The following C8orf34 variants were observed in gnomAD, a reference collection of about 807,000 sequenced individuals.
C8orf34 encodes chromosome 8 open reading frame 34.
Under a neutral mutation model 68.3 loss-of-function variants are expected in C8orf34, and 65 were observed. That is an observed-to-expected ratio of 0.95 (90% confidence interval 0.78 to 1.17). The LOEUF (loss-of-function observed/expected upper bound fraction) is 1.17, where lower values mean the gene tolerates loss of function less well. C8orf34 is among the 50% of genes most tolerant of loss of function. The pLI, the probability that C8orf34 is intolerant of heterozygous loss-of-function variation, is 0.00. For synonymous variants in C8orf34, 244 were observed against 241.2 expected (o/e 1.01, Z -0.11); for missense variants, 664 against 655.4 (o/e 1.01, Z -0.14).
At chr8:68,474,882 A>C (rs80131328) in intron 4 of C8orf34, among the ~76,000 whole-genome samples, 1 of 152,162 alleles carries the variant, frequency 6.6e-6, no homozygotes, top group Non-Finnish European at 1.5e-5. Flanking sequence ...TGCCCAGGAG[A>C]AGCAAGGAAC....
chr8:68,816,138 C>CTGTGTG lies in C8orf34; in HGVS notation c.1609+210_1609+215dup, dbSNP rs138646973. Among the ~76,000 whole-genome samples, 1,452 of 146,732 alleles carry CTGTGTG rather than the reference C, an allele frequency of 9.9e-3. 21 individuals carry two copies. Among genetic ancestry groups the CTGTGTG allele is most frequent in the African/African-American group, 0.032 (1,259 of 39,694 alleles). ...TGTGTGTGTGTGTGTGTGTGTTTCTCTGTGTGTGTGTGTGTGTGTGTGCAT... is the reference window on the plus strand; with the variant it reads ...TGTGTGTGTGTGTGTGTGTGTTTCTCTGTGTGTGTGTGTGTGTGTGTGTGTGTGCAT... On this transcript the variant is annotated intron_variant, in intron 13 of 13. Transcript: ENST00000518698.
At chr8:68,525,609 A>C in intron 6 of C8orf34, 3 of 832,292 alleles carry the variant, frequency 3.6e-6, no homozygotes, top group Non-Finnish European at 6.1e-6. Flanking sequence ...AGTACAATGA[A>C]ACCGAACTGG....
chr8:68,721,498 G>A, intron 10 of C8orf34, 61 bp downstream of exon 10: 1 of 1,081,432 alleles, frequency 9.2e-7, no homozygotes, highest in South Asian at 1.4e-5. Context: ...TTACTAGTAG[G>A]TAAATCTAAA....
intron 1 of C8orf34, among the ~76,000 whole-genome samples, chr8:68,377,060 C>A (rs147573903): frequency 2.0e-5 from 3 of 152,126 alleles, no homozygotes; most frequent in Non-Finnish European, 2.9e-5. Flanking sequence ...AGAGGAGGAA[C>A]CTTCATGGAG....
intron 11 of C8orf34, among the ~76,000 whole-genome samples, chr8:68,784,459 C>A (rs1823784155): frequency 6.6e-6 from 1 of 152,124 alleles, no homozygotes; most frequent in African/African-American, 2.4e-5. Flanking sequence ...TACTTTTATC[C>A]TTTCCCTATC....
intron 1 of C8orf34, among the ~76,000 whole-genome samples, chr8:68,375,683 T>A (rs959546769): frequency 2.6e-5 from 4 of 152,216 alleles, no homozygotes; most frequent in African/African-American, 9.6e-5. Context: ...TATTACCTTG[T>A]TTAGAAAAAC....
At chr8:68,452,701 A>G (rs748723888) in intron 3 of C8orf34, among the ~76,000 whole-genome samples, 32 of 146,452 alleles carry the variant, frequency 2.2e-4, no homozygotes, top group Middle Eastern at 7.0e-3. Context: ...TATTTTTTCC[A>G]CTTGGGGGGA....
chr8:68,800,232 T>G (rs1028756122), intron 12 of C8orf34, among the ~76,000 whole-genome samples: 1 of 152,202 alleles, frequency 6.6e-6, no homozygotes, highest in Non-Finnish European at 1.5e-5. Context: ...GGCCCAGGTG[T>G]CTGGCTCTTT....
At chr8:68,370,545 C>T (rs760539655) in intron 1 of C8orf34, among the ~76,000 whole-genome samples, 2 of 152,166 alleles carry the variant, frequency 1.3e-5, no homozygotes, top group Non-Finnish European at 2.9e-5. Flanking sequence ...GGGAAATGTG[C>T]TCTGGGCCTT....
At chr8:68,516,208 G>T (rs1325977015) in intron 5 of C8orf34, among the ~76,000 whole-genome samples, 1 of 152,196 alleles carries the variant, frequency 6.6e-6, no homozygotes, top group East Asian at 1.9e-4. Context: ...TCATTTACAT[G>T]ATTTTGGTTA....
intron 1 of C8orf34, among the ~76,000 whole-genome samples, chr8:68,424,754 G>C (rs1366318217): frequency 6.6e-6 from 1 of 152,094 alleles, no homozygotes; most frequent in South Asian, 2.1e-4. Flanking sequence ...CAAAAAATTA[G>C]CTGGGCGTGG....
rs191884941 is a variant in C8orf34, at chr8:68,548,213, T to G, written c.1105+15064T>G. Among the ~76,000 whole-genome samples the G allele has an allele frequency of 1.8e-4, 28 of 151,878 alleles. No homozygotes were observed. In the East Asian group the frequency reaches 5.0e-3, roughly 27 times the overall value. On this transcript the variant is annotated intron_variant, in intron 7 of 13. Coordinates refer to ENST00000518698, the MANE Select transcript of C8orf34 (RefSeq NM_052958.4). ...TAAACTTCATTAAATGACAGATTGCTTCTCAAAAAATAAAAAGAAAAATTG... is the reference window on the plus strand; with the variant it reads ...TAAACTTCATTAAATGACAGATTGCGTCTCAAAAAATAAAAAGAAAAATTG...
intron 1 of C8orf34, among the ~76,000 whole-genome samples, chr8:68,412,624 T>C (rs1586081875): frequency 6.6e-6 from 1 of 152,310 alleles, no homozygotes; most frequent in South Asian, 2.1e-4. Context: ...TACAGGTAGA[T>C]GACCTTTCCA....
chr8:68,702,306 C>G (rs1230982367), intron 8 of C8orf34, among the ~76,000 whole-genome samples: 1 of 152,042 alleles, frequency 6.6e-6, no homozygotes, highest in Non-Finnish European at 1.5e-5. Flanking sequence ...TTTTACCAAT[C>G]CAAAGATGAA....
At position 68,466,010 on chromosome 8, in the gene C8orf34, G is replaced by A. The variant is rs561017483; in HGVS notation, c.608-2682G>A. ...CTAATAAAAAAAGAAAATTTGGTGC[G>A]TATACACAATGAAATACTATTTGGT... is the stretch of plus-strand genomic sequence containing the variant. On this transcript the variant is annotated intron_variant, in intron 3 of 13. Coordinates refer to ENST00000518698, the MANE Select transcript of C8orf34 (RefSeq NM_052958.4). 4.5e-4 allele frequency among the ~76,000 whole-genome samples: 64 copies of A among 142,852 alleles called. No homozygotes were observed. The South Asian group carries it at 8.2e-3, about 18-fold the overall frequency. The allele number at this position is 142,852 out of a possible 152,430, so 93.7% of individuals were successfully genotyped here.
At chr8:68,371,432 A>C (rs919710661) in intron 1 of C8orf34, among the ~76,000 whole-genome samples, 1 of 144,424 alleles carries the variant, frequency 6.9e-6, no homozygotes, top group African/African-American at 2.8e-5. Context: ...ATGACATTCT[A>C]TATGACATCT....
intron 10 of C8orf34, among the ~76,000 whole-genome samples, chr8:68,743,537 AAGCCGAACC>A (rs1227231913): frequency 3.3e-5 from 5 of 152,306 alleles, no homozygotes; most frequent in Middle Eastern, 3.4e-3. Context: ...CACCGTGCGC[AAGCCGAACC>A]AGGGCGAGGC....
chr8:68,431,565 A>G (rs1428752880), intron 1 of C8orf34, among the ~76,000 whole-genome samples: 1 of 152,192 alleles, frequency 6.6e-6, no homozygotes, highest in Non-Finnish European at 1.5e-5. Context: ...GTATTTCCGT[A>G]GGATATGCTA....
intron 10 of C8orf34, among the ~76,000 whole-genome samples, chr8:68,724,379 C>G (rs1369322432): frequency 6.6e-6 from 1 of 151,986 alleles, no homozygotes; most frequent in Non-Finnish European, 1.5e-5. Context: ...ATGTTGAAAA[C>G]CATTTAAGGT....
Sources: allele counts gnomAD v4.1 joint callset (sites outside exome capture counted in the v4.1 genomes callset), GRCh38; gene constraint gnomAD v4.1.1; transcripts MANE v1.5; gene names NCBI Gene and HGNC (gene_info 2026-07-23, HGNC 2026-07-21).